Variants in TMEM117 observed in about 807,000 individuals in gnomAD.
TMEM117 encodes the protein transmembrane protein 117.
TMEM117 carries 27 observed loss-of-function variants against 52.4 expected under a neutral mutation model. The observed-to-expected ratio is 0.51, with a 90% confidence interval of 0.38 to 0.71. The LOEUF (loss-of-function observed/expected upper bound fraction) is 0.71, where lower values mean the gene tolerates loss of function less well. Ranked by LOEUF, TMEM117 falls within the 30% of genes least tolerant of loss-of-function variation. TMEM117 has a pLI of 0.00. For missense variants in TMEM117, 556 were observed against 630.5 expected, an observed-to-expected ratio of 0.88 and a Z score of 1.26; for synonymous variants, 215 against 206.3, an observed-to-expected ratio of 1.04 and a Z score of -0.36.
rs552308788 is a variant in TMEM117 at position 43,938,947 on chromosome 12, C to G, written c.278-5263C>G. Among the ~76,000 whole-genome samples the G allele has an allele frequency of 1.1e-3, 164 of 151,760 alleles. 1 individual carries two copies. The highest frequency in any genetic ancestry group is 3.9e-3 in the African/African-American group (161 of 41,360). The stretch of plus-strand genomic sequence containing the variant: ...CCCAGGCGGTGGAGGTTGCAGTGAG[C>G]CGAGATTGCTCCATTGCACTCCAGT... On this transcript the variant is annotated intron_variant, in intron 2 of 7. Transcript: ENST00000266534.
intron 3 of TMEM117, among the ~76,000 whole-genome samples, chr12:44,058,715 GA>G (rs1271151186): frequency 6.6e-6 from 1 of 152,192 alleles, no homozygotes; most frequent in African/African-American, 2.4e-5. Context: ...TGAAGAAGAT[GA>G]AATCTGAGCC....
At chr12:44,358,686 A>G (rs1049778157) in intron 6 of TMEM117, among the ~76,000 whole-genome samples, 26 of 152,134 alleles carry the variant, frequency 1.7e-4, no homozygotes, top group Non-Finnish European at 1.5e-5. Flanking sequence ...AACATAAATG[A>G]CATACTATGA....
intron 6 of TMEM117, among the ~76,000 whole-genome samples, chr12:44,357,013 C>T (rs1484720846): frequency 6.6e-6 from 1 of 152,144 alleles, no homozygotes; most frequent in African/African-American, 2.4e-5. Context: ...CTGGCTCCTT[C>T]AGCTTCATCC....
At chr12:43,912,507 T>TTTTATATATATATA (rs1209075111) in intron 2 of TMEM117, among the ~76,000 whole-genome samples, 1 of 132,084 alleles carries the variant, frequency 7.6e-6, no homozygotes, top group African/African-American at 4.0e-5. Context: ...TAATAATAAT[T>TTTTATATATATATA]TATATATATA....
intron 5 of TMEM117, among the ~76,000 whole-genome samples, chr12:44,258,488 T>G (rs1047468354): frequency 1.3e-5 from 2 of 152,252 alleles, no homozygotes; most frequent in South Asian, 4.1e-4. Flanking sequence ...TTTTTAACAT[T>G]AAAGCATCAC....
At chr12:43,933,392 A>G (rs1026966317) in intron 2 of TMEM117, among the ~76,000 whole-genome samples, 40 of 151,240 alleles carry the variant, frequency 2.6e-4, no homozygotes, top group African/African-American at 8.3e-4. Context: ...TAGTAGAGAC[A>G]GGGTTTCACC....
At chr12:43,911,835 A>T (rs1944507666) in intron 2 of TMEM117, among the ~76,000 whole-genome samples, 1 of 18,334 alleles carries the variant, frequency 5.5e-5, no homozygotes, top group African/African-American at 6.6e-5. Context: ...ATCATTAAAA[A>T]GTCAGGAAAG....
At chr12:44,264,280 T>C (rs1950352414) in intron 5 of TMEM117, among the ~76,000 whole-genome samples, 1 of 152,194 alleles carries the variant, frequency 6.6e-6, no homozygotes, top group Non-Finnish European at 1.5e-5. Context: ...GCCCTCTCAC[T>C]TCCTTGATTT....
At chr12:44,039,904 G>C (rs1946770488) in intron 3 of TMEM117, among the ~76,000 whole-genome samples, 1 of 152,038 alleles carries the variant, frequency 6.6e-6, no homozygotes. Context: ...ATAGACCCTG[G>C]TATATAGTAG....
At chr12:43,864,411 T>C (rs1296165953) in intron 2 of TMEM117, among the ~76,000 whole-genome samples, 1 of 152,220 alleles carries the variant, frequency 6.6e-6, no homozygotes. Flanking sequence ...TAAGGGATTG[T>C]AAATACACCA....
chr12:44,221,721 C>CA (rs1226007577), intron 5 of TMEM117, among the ~76,000 whole-genome samples: 3 of 149,844 alleles, frequency 2.0e-5, no homozygotes, highest in Non-Finnish European at 4.4e-5. Context: ...TTTTTTGAGA[C>CA]AGAGTCTCAC....
chr12:44,286,083 C>T (rs556189037), intron 5 of TMEM117, among the ~76,000 whole-genome samples: 2 of 152,132 alleles, frequency 1.3e-5, no homozygotes, highest in African/African-American at 2.4e-5. Context: ...ATAAGATTCA[C>T]AGATTTTTAT....
In TMEM117 at chr12:43,869,226, G is replaced by A. The variant is rs1943662576; in HGVS notation, c.277+24298G>A. 2.0e-5 allele frequency among the ~76,000 whole-genome samples: 3 copies of A among 148,546 alleles called. No homozygotes were observed. In the South Asian group the frequency reaches 6.2e-4, roughly 31 times the overall value. Reference sequence around the variant, plus strand: ...AACCTCTTTAGAAAGAGATTTCTTGGCATAAATGGTTCCCTTTTTTTGTGC... The same window carrying A: ...AACCTCTTTAGAAAGAGATTTCTTGACATAAATGGTTCCCTTTTTTTGTGC... On this transcript the variant is annotated intron_variant, in intron 2 of 7. Coordinates refer to ENST00000266534, the MANE Select transcript of TMEM117 (RefSeq NM_032256.3).
At chr12:44,222,687 A>T (rs1592618916) in intron 5 of TMEM117, among the ~76,000 whole-genome samples, 1 of 152,172 alleles carries the variant, frequency 6.6e-6, no homozygotes, top group East Asian at 1.9e-4. Context: ...TTTCTTTTAC[A>T]TTGTGTCCAT....
intron 3 of TMEM117, among the ~76,000 whole-genome samples, chr12:44,049,612 A>C (rs937109572): frequency 6.6e-6 from 1 of 151,930 alleles, no homozygotes; most frequent in African/African-American, 2.4e-5. Context: ...ATTTCCTTGC[A>C]TGTGGGACAT....
intron 3 of TMEM117, among the ~76,000 whole-genome samples, chr12:44,057,834 A>T (rs1947080908): frequency 6.6e-6 from 1 of 152,150 alleles, no homozygotes; most frequent in Non-Finnish European, 1.5e-5. Flanking sequence ...GTATGTCAGG[A>T]TATAACTTAA....
intron 3 of TMEM117, among the ~76,000 whole-genome samples, chr12:43,955,372 A>T (rs2137646740): frequency 6.6e-6 from 1 of 152,300 alleles, no homozygotes; most frequent in Admixed American, 6.5e-5. Context: ...TGCAGATGAC[A>T]TTATCCTATA....
intron 4 of TMEM117, among the ~76,000 whole-genome samples, chr12:44,177,030 G>A (rs567395144): frequency 2.1e-4 from 32 of 152,174 alleles, no homozygotes; most frequent in African/African-American, 7.5e-4. Context: ...TACTCATATT[G>A]ATAAACTACT....
chr12:43,893,914 C>T (rs1944152472), intron 2 of TMEM117, among the ~76,000 whole-genome samples: 1 of 152,182 alleles, frequency 6.6e-6, no homozygotes, highest in South Asian at 2.1e-4. Flanking sequence ...ACAAGTTTGG[C>T]ACCTCAGTGC....
Sources: allele counts gnomAD v4.1 joint callset (sites outside exome capture counted in the v4.1 genomes callset), GRCh38; gene constraint gnomAD v4.1.1; transcripts MANE v1.5; gene names NCBI Gene and HGNC (gene_info 2026-07-23, HGNC 2026-07-21).